METAP1D: variants seen among roughly 807,000 people sequenced by gnomAD.
METAP1D encodes methionyl aminopeptidase type 1D, mitochondrial.
METAP1D carries 31 observed loss-of-function variants against 40.5 expected under a neutral mutation model. That is an observed-to-expected ratio of 0.77 (90% CI 0.58 to 1.03). The LOEUF (loss-of-function observed/expected upper bound fraction) is 1.03, where lower values mean the gene tolerates loss of function less well. Ranked by LOEUF, METAP1D falls within the 50% of genes least tolerant of loss-of-function variation. METAP1D has a pLI of 0.00. For missense variants in METAP1D, 411 were observed against 420.7 expected, an observed-to-expected ratio of 0.98 and a Z score of 0.20; for synonymous variants, 151 against 146.4, an observed-to-expected ratio of 1.03 and a Z score of -0.22.
chr2:172,054,697 A>G (rs879346211), intron 1 of METAP1D, among the ~76,000 whole-genome samples: 75 of 152,210 alleles, frequency 4.9e-4, no homozygotes, highest in Admixed American at 4.9e-3. Flanking sequence ...CATTCCAAAT[A>G]CAAATTTTAA....
At chr2:172,047,139 T>A (rs1689780043) in intron 1 of METAP1D, among the ~76,000 whole-genome samples, 1 of 152,238 alleles carries the variant, frequency 6.6e-6, no homozygotes, top group Non-Finnish European at 1.5e-5. Flanking sequence ...TGAGCATTTC[T>A]TATGGAGTGC....
At chr2:172,076,612 G>A (rs1283046417) in intron 6 of METAP1D, among the ~76,000 whole-genome samples, 1 of 152,258 alleles carries the variant, frequency 6.6e-6, no homozygotes, top group Non-Finnish European at 1.5e-5. Context: ...CTGCCCATCT[G>A]CTGGTTATAG....
At chr2:172,022,958 G>A (rs1235034212) in intron 1 of METAP1D, among the ~76,000 whole-genome samples, 4 of 152,218 alleles carry the variant, frequency 2.6e-5, no homozygotes, top group Non-Finnish European at 5.9e-5. Flanking sequence ...AGGCCGAGGC[G>A]GGCTGATCAC....
At chr2:172,010,161 G>A (rs1377282603) in intron 1 of METAP1D, among the ~76,000 whole-genome samples, 1 of 145,210 alleles carries the variant, frequency 6.9e-6, no homozygotes, top group Admixed American at 7.0e-5. Flanking sequence ...TTTTTTTTGA[G>A]ACAGGGTCTC....
intron 7 of METAP1D, 92 bp downstream of exon 7, chr2:172,077,986 A>G (rs1053347932): frequency 4.0e-5 from 18 of 445,656 alleles, no homozygotes; most frequent in Admixed American, 8.7e-5. Context: ...TTGAATCTGC[A>G]TTATCAACCT....
At position 172,015,306 on chromosome 2, in the gene METAP1D, G is replaced by GAA. The variant is rs759724978; in HGVS notation, c.40+15297_40+15298insAA. ...GCCCACCTGTAATCCCAGCTACTTG[G>GAA]GAGGCTGAAGCAGGAGAATCACTTG... On this transcript the variant is annotated intron_variant, in intron 1 of 9. Transcript: ENST00000315796. Among the ~76,000 whole-genome samples, 12 of 152,132 alleles carry GAA rather than the reference G, an allele frequency of 7.9e-5. 1 individual carries two copies. Among genetic ancestry groups the GAA allele is most frequent in the African/African-American group, 1.4e-4 (6 of 41,436 alleles).
At chr2:172,009,513 T>C (rs893097135) in intron 1 of METAP1D, among the ~76,000 whole-genome samples, 12 of 150,524 alleles carry the variant, frequency 8.0e-5, no homozygotes, top group African/African-American at 2.9e-4. Context: ...TTTAATTGTG[T>C]ATCTACTTCT....
intron 1 of METAP1D, among the ~76,000 whole-genome samples, chr2:172,000,485 T>G (rs960260388): frequency 3.9e-5 from 6 of 152,170 alleles, no homozygotes; most frequent in Non-Finnish European, 8.8e-5. Context: ...TAAGAAAGGA[T>G]GTCTGGGTAG....
chr2:172,007,589 C>T (rs901963582), intron 1 of METAP1D, among the ~76,000 whole-genome samples: 4 of 152,032 alleles, frequency 2.6e-5, no homozygotes, highest in African/African-American at 9.7e-5. Flanking sequence ...TCCTGCATTG[C>T]CTAATATCCA....
chr2:172,069,635 C>G (rs1690374011), intron 5 of METAP1D, among the ~76,000 whole-genome samples: 1 of 152,150 alleles, frequency 6.6e-6, no homozygotes, highest in Non-Finnish European at 1.5e-5. Flanking sequence ...CTCATACTTT[C>G]CTGGATTGCA....
chr2:172,053,334 T>C (rs979268745), intron 1 of METAP1D, among the ~76,000 whole-genome samples: 2 of 152,238 alleles, frequency 1.3e-5, no homozygotes, highest in Non-Finnish European at 2.9e-5. Flanking sequence ...CTATAGTCCC[T>C]TCTGAGCTTA....
chr2:172,049,065 A>G (rs1689827805), intron 1 of METAP1D, among the ~76,000 whole-genome samples: 1 of 152,112 alleles, frequency 6.6e-6, no homozygotes, highest in African/African-American at 2.4e-5. Context: ...GCTCACTGCA[A>G]CCTCTGCCTC....
At chr2:172,019,167 C>G (rs1241307420) in intron 1 of METAP1D, among the ~76,000 whole-genome samples, 2 of 152,160 alleles carry the variant, frequency 1.3e-5, no homozygotes, top group African/African-American at 4.8e-5. Flanking sequence ...GCTTGGGCAA[C>G]ACAGTGAGAA....
rs796722451 is a variant in METAP1D at position 172,045,699 on chromosome 2, ATGTGTG to A, written c.41-15771_41-15766del. ...AAAAAAAAAAGGATCATTCATATAT[ATGTGTG>A]TGTGTGTGTGTGTGTGTGTGTGTGT... is the stretch of plus-strand genomic sequence containing the variant. On this transcript the variant is annotated intron_variant, in intron 1 of 9. Coordinates refer to ENST00000315796, the MANE Select transcript of METAP1D (RefSeq NM_199227.3). Among the ~76,000 whole-genome samples, 21 of 82,240 alleles carry A rather than the reference ATGTGTG, an allele frequency of 2.6e-4. 1 individual carries two copies. The highest frequency in any genetic ancestry group is 1.4e-3 in the East Asian group (2 of 1,386). The allele number at this position is 82,240 out of a possible 152,430, so 54.0% of individuals were successfully genotyped here.
At chr2:172,059,010 G>A (rs543338261) in intron 1 of METAP1D, among the ~76,000 whole-genome samples, 1 of 152,140 alleles carries the variant, frequency 6.6e-6, no homozygotes, top group African/African-American at 2.4e-5. Context: ...CCTGAGGGCT[G>A]GTTAAGGCAC....
At chr2:172,015,426 A>C (rs1688833562) in intron 1 of METAP1D, among the ~76,000 whole-genome samples, 1 of 152,058 alleles carries the variant, frequency 6.6e-6, no homozygotes, top group Non-Finnish European at 1.5e-5. Context: ...AAGAAAGAAA[A>C]TAATTAGAGA....
chr2:172,017,968 A>G (rs1396628528), intron 1 of METAP1D, among the ~76,000 whole-genome samples: 1 of 151,888 alleles, frequency 6.6e-6, no homozygotes, highest in Non-Finnish European at 1.5e-5. Context: ...CTCTACTAAA[A>G]ATACAAAAAT....
At chr2:172,058,136 T>C (rs1226276973) in intron 1 of METAP1D, among the ~76,000 whole-genome samples, 1 of 151,760 alleles carries the variant, frequency 6.6e-6, no homozygotes, top group Non-Finnish European at 1.5e-5. Flanking sequence ...TGGACTACAG[T>C]AGCTGATGGC....
At chr2:172,030,102 T>TTTATTTATTTATTTATTTA (rs1559000803) in intron 1 of METAP1D, among the ~76,000 whole-genome samples, 1 of 149,610 alleles carries the variant, frequency 6.7e-6, no homozygotes, top group Non-Finnish European at 1.5e-5. Flanking sequence ...TTATTTATTT[T>TTTATTTATTTATTTATTTA]TTTTGAGGCA....
Sources: allele counts gnomAD v4.1 joint callset (sites outside exome capture counted in the v4.1 genomes callset), GRCh38; gene constraint gnomAD v4.1.1; transcripts MANE v1.5; gene names NCBI Gene and HGNC (gene_info 2026-07-23, HGNC 2026-07-21).